Variants in CKAP5 observed in about 807,000 individuals in gnomAD.
The protein encoded by CKAP5 is cytoskeleton-associated protein 5.
Under a neutral mutation model 232.8 loss-of-function variants are expected in CKAP5, and 27 were observed. The ratio of observed to expected loss-of-function variants is 0.12; its 90% confidence interval spans 0.09 to 0.16. The LOEUF is 0.16. Among genes scored for constraint, CKAP5 ranks in the 10% least tolerant of loss-of-function variants. The pLI is 1.00. For missense variants in CKAP5, 1,838 were observed against 2,424.7 expected, an observed-to-expected ratio of 0.76 and a Z score of 5.08; for synonymous variants, 785 against 841.1, an observed-to-expected ratio of 0.93 and a Z score of 1.16.
At chr11:46,830,560 C>G (rs1271892373) in intron 1 of CKAP5, among the ~76,000 whole-genome samples, 1 of 151,990 alleles carries the variant, frequency 6.6e-6, no homozygotes, top group Non-Finnish European at 1.5e-5. Context: ...CCTAGGGGCT[C>G]TGGAGGGAGT....
At chr11:46,752,524 CTTGG>C (rs1377200796) in intron 38 of CKAP5, 107 bp downstream of exon 38, 13 of 727,136 alleles carry the variant, frequency 1.8e-5, no homozygotes, top group South Asian at 1.4e-4. Flanking sequence ...TCAGGTGTGA[CTTGG>C]TTGATTTGAG....
At chr11:46,749,150 T>C (rs2065043876) in intron 42 of CKAP5, among the ~76,000 whole-genome samples, 1 of 151,722 alleles carries the variant, frequency 6.6e-6, no homozygotes, top group Admixed American at 6.6e-5. Context: ...TTTTGACATG[T>C]AGAGTTTACA....
intron 13 of CKAP5, among the ~76,000 whole-genome samples, chr11:46,792,586 A>G (rs1938762133): frequency 6.6e-6 from 1 of 151,786 alleles, no homozygotes; most frequent in African/African-American, 2.4e-5. Context: ...ACAACAACAA[A>G]ACCAACCAAA....
chr11:46,762,960 G>A lies in CKAP5; in HGVS notation c.3891+16C>T, dbSNP rs376213917. The A allele has an allele frequency of 1.9e-6, 3 of 1,606,528 alleles. No individual in the cohort carries two copies. Among genetic ancestry groups the A allele is most frequent in the African/African-American group, 1.3e-5 (1 of 74,724 alleles). ...GGGAACTTAAGCAGTCTCCCAGAGA[G>A]AGAACACCACATTACCTTGACGACA... On this transcript the variant is annotated intron_variant, in intron 30 of 43. Coordinates refer to ENST00000529230, the MANE Select transcript of CKAP5 (RefSeq NM_001008938.4).
At chr11:46,813,011 G>C (rs1032346362) in intron 4 of CKAP5, among the ~76,000 whole-genome samples, 13 of 151,952 alleles carry the variant, frequency 8.6e-5, no homozygotes, top group Non-Finnish European at 1.3e-4. Flanking sequence ...GGAGTACAGT[G>C]ACACAATCAT....
At chr11:46,750,188 T>C in intron 42 of CKAP5, 86 bp downstream of exon 42, 1 of 1,334,140 alleles carries the variant, frequency 7.5e-7, no homozygotes, top group Non-Finnish European at 1.0e-6. Flanking sequence ...GGTTCATGGA[T>C]ATGAATTTAA....
intron 27 of CKAP5, among the ~76,000 whole-genome samples, 167 bp from the exon 28 acceptor site, chr11:46,765,423 G>C (rs2065194351): frequency 6.6e-6 from 1 of 152,070 alleles, no homozygotes; most frequent in Non-Finnish European, 1.5e-5. Flanking sequence ...TTTTGAACAG[G>C]TTCTCTAGAA....
chr11:46,839,860 G>A lies in CKAP5; in HGVS notation c.-38+6360C>T, dbSNP rs548653072. Among the ~76,000 whole-genome samples, 391 of 152,156 alleles carry A rather than the reference G, an allele frequency of 2.6e-3. 3 individuals carry two copies. Among genetic ancestry groups the A allele is most frequent in the Admixed American group, 2.4e-3 (37 of 15,270 alleles). ...AGGATAAAAAAAGATAAAATGTAGC[G>A]GGACATGTTGGCTCATGCTTGTAAC... On this transcript the variant is annotated intron_variant, in intron 1 of 43. Coordinates refer to ENST00000529230, the MANE Select transcript of CKAP5 (RefSeq NM_001008938.4).
chr11:46,829,001 T>TG (rs1457545620), intron 1 of CKAP5, among the ~76,000 whole-genome samples: 1 of 152,234 alleles, frequency 6.6e-6, no homozygotes, highest in Non-Finnish European at 1.5e-5. Context: ...ATGGTTAAGA[T>TG]GGTAAATTTT....
At position 46,791,059 on chromosome 11, in the gene CKAP5, A is replaced by C. The variant is rs541571046; in HGVS notation, c.1651-476T>G. Among the ~76,000 whole-genome samples the C allele has an allele frequency of 6.6e-5, 10 of 152,302 alleles. No homozygotes were observed. The South Asian group carries it at 2.1e-3, about 32-fold the overall frequency. ...ATTTTTTGTACCTACAAAATTTAGC[A>C]GTTTCAAGGTCAGACAGAAGCCCTG... On this transcript the variant is annotated intron_variant, in intron 13 of 43. Coordinates refer to ENST00000529230, the MANE Select transcript of CKAP5 (RefSeq NM_001008938.4).
At chr11:46,758,298 C>A (rs551655440) in intron 35 of CKAP5, among the ~76,000 whole-genome samples, 1 of 152,168 alleles carries the variant, frequency 6.6e-6, no homozygotes, top group Non-Finnish European at 1.5e-5. Context: ...CTCTCCTTGG[C>A]ATACTCTAAG....
At chr11:46,813,748 T>G (rs1939328619) in intron 4 of CKAP5, among the ~76,000 whole-genome samples, 1 of 152,100 alleles carries the variant, frequency 6.6e-6, no homozygotes. Context: ...ATACGTAACT[T>G]GTTATTTTCC....
chr11:46,762,237 G>A (rs1244397866), intron 31 of CKAP5, 44 bp from the exon 32 acceptor site: 10 of 1,574,326 alleles, frequency 6.4e-6, no homozygotes, highest in Non-Finnish European at 8.7e-6. Context: ...ACACATATTT[G>A]GGACAGAGAC....
chr11:46,790,390 C>G, intron 14 of CKAP5, 80 bp downstream of exon 14: 1 of 1,076,218 alleles, frequency 9.3e-7, no homozygotes, highest in Admixed American at 2.0e-5. Context: ...CGTTGTAGAA[C>G]CCAGCAAAGA....
At chr11:46,785,264 C>A (rs761954679) in intron 16 of CKAP5, among the ~76,000 whole-genome samples, 3 of 152,122 alleles carry the variant, frequency 2.0e-5, no homozygotes, top group Non-Finnish European at 4.4e-5. Context: ...AATATTTTAA[C>A]TTTTTTTGTT....
rs777388863 is a variant in CKAP5, at chr11:46,763,520, G to A, written c.3648C>T (p.Asp1216=). ...CAAGGGCTTTGTTATGATGCTGAAAGTCTGAGTGAAACATCTCATCTTGTA... is the reference window on the plus strand; with the variant it reads ...CAAGGGCTTTGTTATGATGCTGAAAATCTGAGTGAAACATCTCATCTTGTA... ...KWLQDEMFHS[D]FQHHNKALAV... The change falls in exon 29 of 44, where the codon GAC becomes GAT. Residue 1216 remains aspartate, a synonymous_variant. Coordinates refer to ENST00000529230, the MANE Select transcript of CKAP5 (RefSeq NM_001008938.4). The A allele has an allele frequency of 3.1e-6, 5 of 1,603,916 alleles. No individual in the cohort carries two copies. In the Admixed American group the frequency reaches 7.1e-5, roughly 23 times the overall value.
intron 7 of CKAP5, among the ~76,000 whole-genome samples, chr11:46,809,079 C>T (rs1939217160): frequency 6.6e-6 from 1 of 152,070 alleles, no homozygotes; most frequent in Non-Finnish European, 1.5e-5. Flanking sequence ...GTCAAGAAAC[C>T]TTGGGGTAAA....
chr11:46,781,247 C>G (rs962240977), intron 18 of CKAP5, among the ~76,000 whole-genome samples: 1 of 152,196 alleles, frequency 6.6e-6, no homozygotes, highest in Non-Finnish European at 1.5e-5. Flanking sequence ...ACTTGTCTCT[C>G]TCTTGTTCTA....
At chr11:46,787,188 G>A (rs547219939) in intron 16 of CKAP5, among the ~76,000 whole-genome samples, 1 of 152,114 alleles carries the variant, frequency 6.6e-6, no homozygotes, top group African/African-American at 2.4e-5. Flanking sequence ...GAGAGGAAGA[G>A]GGCACCTCAA....
Sources: allele counts gnomAD v4.1 joint callset (sites outside exome capture counted in the v4.1 genomes callset), GRCh38; gene constraint gnomAD v4.1.1; transcripts MANE v1.5; gene names NCBI Gene and HGNC (gene_info 2026-07-23, HGNC 2026-07-21).